DENND1B: variants seen among roughly 807,000 people sequenced by gnomAD.
DENND1B encodes the protein DENN domain containing 1B, also known as DENN domain-containing protein 1B.
In DENND1B, 59 loss-of-function variants were observed where a neutral mutation model predicts 90.1. That is an observed-to-expected ratio of 0.65 (90% confidence interval 0.53 to 0.81). The LOEUF is 0.81. Ranked by LOEUF, DENND1B falls within the 40% of genes least tolerant of loss-of-function variation. The pLI, the probability that DENND1B is intolerant of heterozygous loss-of-function variation, is 0.00. For missense variants in DENND1B, 862 were observed against 912.6 expected, an observed-to-expected ratio of 0.94 and a Z score of 0.71; for synonymous variants, 337 against 324.6, an observed-to-expected ratio of 1.04 and a Z score of -0.41.
At chr1:197,654,149 T>C (rs983027351) in intron 6 of DENND1B, among the ~76,000 whole-genome samples, 2 of 152,162 alleles carry the variant, frequency 1.3e-5, no homozygotes, top group Admixed American at 1.3e-4. Context: ...AATTACATTA[T>C]AAAAAATTGG....
intron 18 of DENND1B, among the ~76,000 whole-genome samples, chr1:197,543,582 T>C (rs1358775095): frequency 6.6e-6 from 1 of 152,260 alleles, no homozygotes; most frequent in African/African-American, 2.4e-5. Flanking sequence ...TACTATTTCA[T>C]TGTAAAAAAA....
At chr1:197,635,690 A>G (rs1026114534) in intron 10 of DENND1B, among the ~76,000 whole-genome samples, 2 of 152,112 alleles carry the variant, frequency 1.3e-5, no homozygotes, top group African/African-American at 4.8e-5. Context: ...TGACATATTC[A>G]CTAATATTTA....
At chr1:197,610,823 C>T (rs1404327755) in intron 12 of DENND1B, among the ~76,000 whole-genome samples, 2 of 150,818 alleles carry the variant, frequency 1.3e-5, no homozygotes, top group Non-Finnish European at 3.0e-5. Context: ...GTATCCAACT[C>T]AGACTTCAAT....
intron 6 of DENND1B, 107 bp downstream of exon 6, chr1:197,658,193 T>G: frequency 1.1e-6 from 1 of 871,692 alleles, no homozygotes; most frequent in Non-Finnish European, 1.9e-6. Context: ...AGATCAACAT[T>G]AATGTACTTA....
rs994149593 is a variant in DENND1B, at chr1:197,510,195, G to A, written c.*265C>T. 1 of 420,364 alleles carries A rather than the reference G, an allele frequency of 2.4e-6. No homozygotes were observed. The highest frequency in any genetic ancestry group is 2.1e-5 in the African/African-American group (1 of 48,720). 26.0% of individuals were successfully genotyped at this position (420,364 alleles called of 1,614,324 possible). On this transcript the variant is annotated 3_prime_UTR_variant, in exon 23 of 23. Transcript: ENST00000620048. ...GCTTAAATAAAATAAACGGCATTAAGCACCAAACACTGGGAAATCTCATGG... is the reference window on the plus strand; with the variant it reads ...GCTTAAATAAAATAAACGGCATTAAACACCAAACACTGGGAAATCTCATGG...
upstream of DENND1B, among the ~76,000 whole-genome samples, chr1:197,779,077 T>C (rs529631023): frequency 1.3e-5 from 2 of 152,346 alleles, no homozygotes; most frequent in South Asian, 2.1e-4. Flanking sequence ...CATTCTTTTG[T>C]ATTTTCATTT....
At chr1:197,714,075 C>G (rs1437545794) in intron 3 of DENND1B, among the ~76,000 whole-genome samples, 1 of 148,350 alleles carries the variant, frequency 6.7e-6, no homozygotes, top group Non-Finnish European at 1.5e-5. Flanking sequence ...TTCCCAGGTT[C>G]AAGTGATTCT....
chr1:197,593,062 C>G (rs1572001792), intron 14 of DENND1B, among the ~76,000 whole-genome samples: 1 of 151,036 alleles, frequency 6.6e-6, no homozygotes, highest in Middle Eastern at 3.6e-3. Flanking sequence ...AAAAAAAGGT[C>G]TAAGTAAAGA....
At chr1:197,755,430 GA>G (rs555703500) in intron 2 of DENND1B, among the ~76,000 whole-genome samples, 6 of 134,150 alleles carry the variant, frequency 4.5e-5, no homozygotes, top group Non-Finnish European at 6.5e-5. Context: ...CTGCCCAACA[GA>G]AAAAAAAAAT....
chr1:197,512,055 A>T (rs1668068314), intron 21 of DENND1B, 111 bp from the exon 22 acceptor site: 1 of 772,808 alleles, frequency 1.3e-6, no homozygotes, highest in South Asian at 2.3e-5. Flanking sequence ...CAAAATCAAT[A>T]ATTAGTTCAT....
rs1279021933 is a variant in DENND1B at position 197,625,009 on chromosome 1, G to T, written c.673-7250C>A. 5.3e-5 allele frequency among the ~76,000 whole-genome samples: 8 copies of T among 152,000 alleles called. No homozygotes were observed. The East Asian group carries it at 1.6e-3, about 29-fold the overall frequency. On this transcript the variant is annotated intron_variant, in intron 10 of 22. Transcript: ENST00000620048. ...ACAAACAAAGCCTCCAAGAAATATGGGACTATGTGAAAAGACCAAATCTAC... is the reference window on the plus strand; with the variant it reads ...ACAAACAAAGCCTCCAAGAAATATGTGACTATGTGAAAAGACCAAATCTAC...
At chr1:197,571,978 T>G (rs1300914772) in intron 15 of DENND1B, among the ~76,000 whole-genome samples, 1 of 152,126 alleles carries the variant, frequency 6.6e-6, no homozygotes, top group Non-Finnish European at 1.5e-5. Context: ...ACAGCTCTGG[T>G]CTGCAGCTCC....
rs752085293 is a variant in DENND1B at position 197,554,098 on chromosome 1, TATACACAC to T, written c.1150-994_1150-987del. Among the ~76,000 whole-genome samples the T allele has an allele frequency of 3.2e-3, 314 of 98,410 alleles. 2 individuals carry two copies. Among genetic ancestry groups the T allele is most frequent in the Non-Finnish European group, 5.1e-3 (262 of 50,988 alleles). The allele number at this position is 98,410 out of a possible 152,430, so 64.6% of individuals were successfully genotyped here. Reference sequence around the variant, plus strand: ...CCAACCCAAGGTGAAAATCAATGATTATACACACACACACACACACACACACACACACA... The same window carrying T: ...CCAACCCAAGGTGAAAATCAATGATTACACACACACACACACACACACACA... On this transcript the variant is annotated intron_variant, in intron 15 of 22. Transcript: ENST00000620048.
intron 20 of DENND1B, among the ~76,000 whole-genome samples, chr1:197,525,183 C>T (rs1311172213): frequency 1.3e-5 from 2 of 152,012 alleles, no homozygotes; most frequent in South Asian, 2.1e-4. Flanking sequence ...TTTTAGCCAA[C>T]TTTTAAAGAT....
rs984836050 is a variant in DENND1B at position 197,506,743 on chromosome 1, G to A, written c.*3717C>T. ...ACAGCAGTCACATAGTTTTTATTTA[G>A]AAGGGAGAGACTGTTTCTACAGAAC... On this transcript the variant is annotated 3_prime_UTR_variant, in exon 23 of 23. Coordinates refer to ENST00000620048, the MANE Select transcript of DENND1B (RefSeq NM_001195215.2). The A allele has an allele frequency of 7.3e-5, 11 of 151,422 alleles. No homozygotes were observed. Among genetic ancestry groups the A allele is most frequent in the Non-Finnish European group, 1.3e-4 (9 of 67,586 alleles). The allele number at this position is 151,422 out of a possible 1,614,324, so 9.4% of individuals were successfully genotyped here. A position where few individuals can be genotyped will look rare whatever the true frequency, so the allele number is the denominator to read the frequency against.
chr1:197,658,462 T>C, intron 5 of DENND1B, 93 bp from the exon 6 acceptor site: 1 of 894,132 alleles, frequency 1.1e-6, no homozygotes, highest in East Asian at 2.7e-5. Flanking sequence ...TTCAAACAGG[T>C]TAATCCTGGA....
At chr1:197,672,202 TTTC>T (rs1159083327) in intron 4 of DENND1B, 46 bp from the exon 5 acceptor site, 1 of 1,542,620 alleles carries the variant, frequency 6.5e-7, no homozygotes, top group African/African-American at 1.4e-5. Context: ...GTTTGACAAT[TTTC>T]TTCAAGAAAA....
intron 18 of DENND1B, among the ~76,000 whole-genome samples, chr1:197,543,352 G>A (rs1202634568): frequency 2.0e-5 from 3 of 152,122 alleles, no homozygotes; most frequent in Non-Finnish European, 4.4e-5. Context: ...TTTTGAACAT[G>A]TTTGCTTCAT....
intron 17 of DENND1B, among the ~76,000 whole-genome samples, chr1:197,546,274 T>C (rs183601522): frequency 7.2e-5 from 11 of 152,310 alleles, no homozygotes; most frequent in Admixed American, 1.3e-4. Context: ...ATATGACTAG[T>C]AATTTGAATA....
Sources: allele counts gnomAD v4.1 joint callset (sites outside exome capture counted in the v4.1 genomes callset), GRCh38; gene constraint gnomAD v4.1.1; transcripts MANE v1.5; gene names NCBI Gene and HGNC (gene_info 2026-07-23, HGNC 2026-07-21).